Variants in TMOD1 observed in about 807,000 individuals in gnomAD.
TMOD1 encodes tropomodulin 1.
Under a neutral mutation model 40.6 loss-of-function variants are expected in TMOD1, and 17 were observed. The observed-to-expected ratio is 0.42, with a 90% confidence interval of 0.29 to 0.63. TMOD1 has a LOEUF of 0.63. Ranked by LOEUF, TMOD1 falls within the 20% of genes least tolerant of loss-of-function variation. The pLI, the probability that TMOD1 is intolerant of heterozygous loss-of-function variation, is 0.22. For missense variants in TMOD1, 391 were observed against 447.6 expected, an observed-to-expected ratio of 0.87 and a Z score of 1.14; for synonymous variants, 181 against 175.0, an observed-to-expected ratio of 1.03 and a Z score of -0.27.
chr9:97,532,930 C>T (rs1293366797), intron 2 of TMOD1, among the ~76,000 whole-genome samples: 4 of 152,180 alleles, frequency 2.6e-5, no homozygotes, highest in Non-Finnish European at 5.9e-5. Context: ...AGTAACTGAC[C>T]GTGGCCTCTG....
intron 1 of TMOD1, among the ~76,000 whole-genome samples, chr9:97,509,893 A>G (rs1829667742): frequency 6.6e-6 from 1 of 152,110 alleles, no homozygotes; most frequent in African/African-American, 2.4e-5. Flanking sequence ...TATTATTTAT[A>G]TGTGTATTAG....
chr9:97,598,662 GC>G (rs1182412029), intron 9 of TMOD1, among the ~76,000 whole-genome samples: 1 of 152,190 alleles, frequency 6.6e-6, no homozygotes, highest in Non-Finnish European at 1.5e-5. Flanking sequence ...AACTGGGCTG[GC>G]CCCACCTCCC....
At chr9:97,514,269 CTTTTTCTTTTTTTTT>C (rs1289302441) in intron 1 of TMOD1, among the ~76,000 whole-genome samples, 2 of 128,370 alleles carry the variant, frequency 1.6e-5, no homozygotes, top group African/African-American at 3.1e-5. Context: ...TCTTTTTTTT[CTTTTTCTTTTTTTTT>C]TTTTTGTATT....
Position 97,601,541 on chromosome 9 carries a change from AT to A in TMOD1, c.*1844del. On this transcript the variant is annotated 3_prime_UTR_variant, in exon 10 of 10. Transcript: ENST00000259365. ...ACCAACAGAAAATGAAGAAGGCCAC[AT>A]CTTTAAGGCCACCTCTGCCTCTATC... 1.0e-6 allele frequency: 1 copy of A among 990,388 alleles called. No individual in the cohort carries two copies. The highest frequency in any genetic ancestry group is 1.2e-6 in the Non-Finnish European group (1 of 832,976). The allele number at this position is 990,388 out of a possible 1,614,324, so 61.4% of individuals were successfully genotyped here. A position where few individuals can be genotyped will look rare whatever the true frequency, so the allele number is the denominator to read the frequency against.
rs1297758483 is a variant in TMOD1, at chr9:97,600,777, A to G, written c.*1079A>G. On this transcript the variant is annotated 3_prime_UTR_variant, in exon 10 of 10. Transcript: ENST00000259365. ...CTGGCCAAACCACCCCAAGATGATT[A>G]CACTGAAATGTAGTATTAGTACTGC... 54 of 1,014,190 alleles carry G rather than the reference A, an allele frequency of 5.3e-5. No homozygotes were observed. The highest frequency in any genetic ancestry group is 6.3e-5 in the Non-Finnish European group (53 of 846,918). 62.8% of individuals were successfully genotyped at this position (1,014,190 alleles called of 1,614,324 possible). A position where few individuals can be genotyped will look rare whatever the true frequency, so the allele number is the denominator to read the frequency against.
intron 2 of TMOD1, among the ~76,000 whole-genome samples, chr9:97,545,172 A>G (rs539529721): frequency 1.3e-5 from 2 of 152,344 alleles, no homozygotes; most frequent in South Asian, 4.1e-4. Flanking sequence ...AGAAATGGTC[A>G]TCCTCCTCTC....
chr9:97,515,687 G>A (rs1829793974), intron 1 of TMOD1, among the ~76,000 whole-genome samples: 1 of 152,174 alleles, frequency 6.6e-6, no homozygotes, highest in African/African-American at 2.4e-5. Context: ...CTGCCTGGGT[G>A]CATCTTTCAG....
intron 2 of TMOD1, among the ~76,000 whole-genome samples, chr9:97,529,361 A>C (rs780041561): frequency 3.3e-5 from 5 of 152,112 alleles, no homozygotes; most frequent in Non-Finnish European, 7.4e-5. Flanking sequence ...CTAACCACAT[A>C]TGATTTCTTT....
intron 8 of TMOD1, among the ~76,000 whole-genome samples, chr9:97,590,387 C>A (rs1301449489): frequency 6.6e-6 from 1 of 151,924 alleles, no homozygotes; most frequent in African/African-American, 2.4e-5. Flanking sequence ...TCACACCTGG[C>A]TATTTTTTTT....
intron 2 of TMOD1, among the ~76,000 whole-genome samples, chr9:97,527,374 C>T (rs930472086): frequency 6.6e-6 from 1 of 152,214 alleles, no homozygotes; most frequent in Non-Finnish European, 1.5e-5. Context: ...GGAGCACAGG[C>T]TGGTGGGGAC....
At chr9:97,542,866 AAGG>A (rs1211818365) in intron 2 of TMOD1, among the ~76,000 whole-genome samples, 3 of 151,604 alleles carry the variant, frequency 2.0e-5, no homozygotes, top group Non-Finnish European at 4.4e-5. Flanking sequence ...AAAAAAAAAA[AAGG>A]AAGAAAATAA....
chr9:97,599,405 TAGC>T (rs1045388635), intron 9 of TMOD1, among the ~76,000 whole-genome samples: 2 of 152,176 alleles, frequency 1.3e-5, no homozygotes, highest in Non-Finnish European at 1.5e-5. Context: ...GTCAGCCACT[TAGC>T]AGATATCTAT....
intron 8 of TMOD1, among the ~76,000 whole-genome samples, chr9:97,589,243 T>G (rs1331660696): frequency 4.6e-5 from 7 of 151,428 alleles, no homozygotes; most frequent in Non-Finnish European, 2.9e-5. Flanking sequence ...TTTTTGTGTA[T>G]TGATCTTATA....
chr9:97,547,209 T>A (rs1412516101), intron 3 of TMOD1, among the ~76,000 whole-genome samples: 1 of 152,038 alleles, frequency 6.6e-6, no homozygotes, highest in Admixed American at 6.6e-5. Context: ...CCAAACCCTC[T>A]GCCCCCCTCC....
chr9:97,559,823 ATGTCTATCTATCTATC>A (rs763313559), intron 4 of TMOD1, among the ~76,000 whole-genome samples: 3,561 of 62,782 alleles, frequency 0.057, 267 homozygotes, highest in Middle Eastern at 0.06. Flanking sequence ...ATATATATAT[ATGTCTATCTATCTATC>A]TATCTATCTA....
At chr9:97,588,392 C>T (rs1289255070) in intron 8 of TMOD1, among the ~76,000 whole-genome samples, 1 of 152,170 alleles carries the variant, frequency 6.6e-6, no homozygotes, top group African/African-American at 2.4e-5. Flanking sequence ...TTTATCTTTA[C>T]AGAAGTGTCT....
chr9:97,572,528 G>T (rs1830836349), intron 8 of TMOD1, among the ~76,000 whole-genome samples: 1 of 152,142 alleles, frequency 6.6e-6, no homozygotes, highest in Admixed American at 6.5e-5. Context: ...TCAGGGAGGG[G>T]GCTCTGCTGA....
chr9:97,563,926 C>A, intron 5 of TMOD1, 112 bp from the exon 6 acceptor site: 1 of 1,367,670 alleles, frequency 7.3e-7, no homozygotes, highest in Non-Finnish European at 9.8e-7. Context: ...CTGTGATGTG[C>A]AGCCCTCACG....
chr9:97,535,883 G>C (rs769662556), intron 2 of TMOD1, among the ~76,000 whole-genome samples: 2 of 152,216 alleles, frequency 1.3e-5, no homozygotes, highest in Non-Finnish European at 2.9e-5. Flanking sequence ...CTGAGCCAAA[G>C]GCCTAGCTCT....
Sources: gnomAD v4.1 joint callset for allele counts (sites outside exome capture counted in the v4.1 genomes callset) on GRCh38, gnomAD v4.1.1 for gene constraint, MANE v1.5 for transcripts, NCBI Gene and HGNC (gene_info 2026-07-23, HGNC 2026-07-21) for gene names.